RBP2: variants seen among roughly 807,000 people sequenced by gnomAD.
RBP2 encodes the protein retinol-binding protein 2.
A neutral mutation model predicts 17.0 loss-of-function variants in RBP2; 17 were observed. The ratio of observed to expected loss-of-function variants is 1.00; its 90% CI spans 0.68 to 1.50. The LOEUF is 1.50. RBP2 is among the 40% of genes most tolerant of loss of function. The pLI, the probability that RBP2 is intolerant of heterozygous loss-of-function variation, is 0.00. For missense variants in RBP2, 158 were observed against 168.2 expected (o/e 0.94, Z 0.33); for synonymous variants, 48 against 57.1 (o/e 0.84, Z 0.72).
chr3:139,472,099 C>T (rs1933587337), intron 1 of RBP2, among the ~76,000 whole-genome samples: 1 of 152,196 alleles, frequency 6.6e-6, no homozygotes, highest in African/African-American at 2.4e-5. Context: ...TGCCTGACTC[C>T]ATCTCTGCAT....
At chr3:139,475,394 A>T (rs1299282759) in intron 1 of RBP2, among the ~76,000 whole-genome samples, 2 of 151,616 alleles carry the variant, frequency 1.3e-5, no homozygotes, top group African/African-American at 4.8e-5. Flanking sequence ...AACATATCAC[A>T]GCTCTCCTTT....
chr3:139,462,443 A>G (rs1018433532), intron 1 of RBP2, among the ~76,000 whole-genome samples, 153 bp from the exon 2 acceptor site: 2 of 152,214 alleles, frequency 1.3e-5, no homozygotes, highest in African/African-American at 4.8e-5. Flanking sequence ...CTCGTGGCCA[A>G]GTTGGGCATT....
intron 2 of RBP2, among the ~76,000 whole-genome samples, chr3:139,458,801 G>T (rs558134664): frequency 6.6e-6 from 1 of 152,284 alleles, no homozygotes; most frequent in South Asian, 2.1e-4. Context: ...TTTCATGGCT[G>T]CATATACTCC....
At chr3:139,475,716 A>T (rs1182309787) in intron 1 of RBP2, among the ~76,000 whole-genome samples, 1 of 152,156 alleles carries the variant, frequency 6.6e-6, no homozygotes, top group African/African-American at 2.4e-5. Context: ...CCCTCTGGGG[A>T]CCCACTCACT....
intron 1 of RBP2, among the ~76,000 whole-genome samples, chr3:139,462,820 C>T (rs918938525): frequency 6.6e-6 from 1 of 152,032 alleles, no homozygotes; most frequent in African/African-American, 2.4e-5. Flanking sequence ...TCTTAGCCCC[C>T]AGTATAGATT....
In RBP2 at chr3:139,462,188, C is replaced by T. The variant is rs765508653; in HGVS notation, c.176G>A (p.Arg59His). The T allele has an allele frequency of 1.7e-5, 27 of 1,613,934 alleles. No homozygotes were observed. The highest frequency in any genetic ancestry group is 1.3e-4 in the South Asian group (12 of 91,086). The change falls in exon 2 of 4, where the codon CGC becomes CAC. Residue 59 changes from arginine (R) to histidine (H), a missense_variant. Physicochemically the swap from Arg to His is conservative, Grantham distance 29 (BLOSUM62 0). Transcript: ENST00000232217. ...NFKTKTTSTFRNYDVDFTVGV... is the reference protein window; with the variant it reads ...NFKTKTTSTFHNYDVDFTVGV... ...AACAGTGAAATCCACATCATAGTTG[C>T]GGAATGTGCTAGTGGTTTTTGTCTT...
At chr3:139,472,896 C>A (rs1933612209) in intron 1 of RBP2, among the ~76,000 whole-genome samples, 2 of 152,214 alleles carry the variant, frequency 1.3e-5, no homozygotes, top group Non-Finnish European at 2.9e-5. Context: ...ATGGCACAGT[C>A]CCTGGCATCC....
intron 1 of RBP2, among the ~76,000 whole-genome samples, chr3:139,465,232 G>A (rs527625228): frequency 1.8e-4 from 28 of 152,112 alleles, no homozygotes; most frequent in Non-Finnish European, 3.4e-4. Context: ...CTGAATTTTA[G>A]GTAAGGTGAA....
intron 2 of RBP2, among the ~76,000 whole-genome samples, chr3:139,461,692 C>T (rs1198457120): frequency 6.6e-6 from 1 of 152,180 alleles, no homozygotes; most frequent in Non-Finnish European, 1.5e-5. Flanking sequence ...GATTTCTCTA[C>T]ATCTCCTAAA....
Position 139,473,922 on chromosome 3 carries a change from T to G in RBP2, c.73+2465A>C, listed in dbSNP as rs115449462. Among the ~76,000 whole-genome samples the G allele has an allele frequency of 4.4e-3, 671 of 152,320 alleles. 7 individuals are homozygous for G. The highest frequency in any genetic ancestry group is 0.016 in the African/African-American group (653 of 41,570). Reference sequence around the variant, plus strand: ...GTCCTGAGACACTGGGCTGTCAGCATCTGGGTAAACCAGGCACCAACAGAT... The same window carrying G: ...GTCCTGAGACACTGGGCTGTCAGCAGCTGGGTAAACCAGGCACCAACAGAT... On this transcript the variant is annotated intron_variant, in intron 1 of 3. Coordinates refer to ENST00000232217, the MANE Select transcript of RBP2 (RefSeq NM_004164.3).
chr3:139,471,133 C>T (rs578148712), intron 1 of RBP2, among the ~76,000 whole-genome samples: 22 of 152,218 alleles, frequency 1.4e-4, no homozygotes, highest in African/African-American at 3.6e-4. Context: ...GCAGGGAACT[C>T]GTCTCCTCAT....
intron 1 of RBP2, chr3:139,466,691 A>T (rs553901939): frequency 1.3e-5 from 2 of 152,216 alleles, no homozygotes; most frequent in Non-Finnish European, 2.9e-5. Context: ...ATCAAATTTG[A>T]TGGTGTTTGT....
At position 139,462,132 on chromosome 3, in the gene RBP2, G is replaced by C. The variant is rs142708348; in HGVS notation, c.232C>G (p.Leu78Val). 6.2e-7 allele frequency: 1 copy of C among 1,614,020 alleles called. No homozygotes were observed. Among genetic ancestry groups the C allele is most frequent in the Non-Finnish European group, 8.5e-7 (1 of 1,179,992 alleles). Residue 78 changes from leucine (L) to valine (V), a missense_variant, in exon 2 of 4, where the codon CTG (leucine) becomes GTG (valine). Transcript: ENST00000232217. ...GVEFDEYTKS[L>V]DNRHVKALVT... Reference sequence around the variant, plus strand: ...AGTACCTTAACATGCCGGTTATCCAGGCTCTTTGTGTACTCGTCAAACTCT... The same window carrying C: ...AGTACCTTAACATGCCGGTTATCCACGCTCTTTGTGTACTCGTCAAACTCT...
chr3:139,459,396 A>ATGTGTGTGTG (rs751257475), intron 2 of RBP2, among the ~76,000 whole-genome samples: 6 of 47,174 alleles, frequency 1.3e-4, no homozygotes, highest in Non-Finnish European at 2.7e-4. Context: ...TTTCTACTAT[A>ATGTGTGTGTG]TATATGTGTG....
At chr3:139,473,149 A>C (rs1034697549) in intron 1 of RBP2, among the ~76,000 whole-genome samples, 2 of 152,188 alleles carry the variant, frequency 1.3e-5, no homozygotes, top group African/African-American at 4.8e-5. Flanking sequence ...TGGTTTCCTC[A>C]CTGTCAAGAA....
chr3:139,458,029 A>G (rs1328739090), intron 2 of RBP2, among the ~76,000 whole-genome samples: 1 of 152,270 alleles, frequency 6.6e-6, no homozygotes, highest in Non-Finnish European at 1.5e-5. Context: ...ATTTAGGGCT[A>G]AGGCATCTGA....
At chr3:139,454,670 T>A in intron 3 of RBP2, 59 bp downstream of exon 3, 1 of 1,533,880 alleles carries the variant, frequency 6.5e-7, no homozygotes. Flanking sequence ...CCTGGCTAGG[T>A]GACCACAGTA....
intron 2 of RBP2, among the ~76,000 whole-genome samples, chr3:139,459,398 A>ATGTGTGTGTGTGTGTGTGTG (rs201355065): frequency 5.5e-5 from 2 of 36,166 alleles, no homozygotes; most frequent in African/African-American, 6.9e-5. Flanking sequence ...TCTACTATAT[A>ATGTGTGTGTGTGTGTGTGTG]TATGTGTGTG....
In RBP2 at chr3:139,453,026, G is replaced by A; in HGVS notation, c.*90C>T. On this transcript the variant is annotated 3_prime_UTR_variant, in exon 4 of 4. Transcript: ENST00000232217. ...CCTTAATGGGGCTCTGTCAAGAGTG[G>A]GAAGGTCCCCACAGCTGTTTCTCAA... 6.8e-7 allele frequency: 1 copy of A among 1,476,090 alleles called. No homozygotes were observed. The highest frequency in any genetic ancestry group is 9.5e-7 in the Non-Finnish European group (1 of 1,055,428). The allele number at this position is 1,476,090 out of a possible 1,614,324, so 91.4% of individuals were successfully genotyped here.
Sources: gnomAD v4.1 joint callset for allele counts (sites outside exome capture counted in the v4.1 genomes callset) on GRCh38, gnomAD v4.1.1 for gene constraint, MANE v1.5 for transcripts, NCBI Gene and HGNC (gene_info 2026-07-23, HGNC 2026-07-21) for gene names.